PRKCH: variants seen among roughly 807,000 people sequenced by gnomAD.
PRKCH encodes protein kinase C eta, also known as protein kinase C eta type.
PRKCH carries 28 observed loss-of-function variants against 82.5 expected under a neutral mutation model. The observed-to-expected ratio is 0.34, with a 90% confidence interval of 0.25 to 0.47. PRKCH has a LOEUF of 0.47. PRKCH is among the 20% of genes least tolerant of loss of function. PRKCH has a pLI of 1.00. For synonymous variants in PRKCH, 322 were observed against 327.4 expected (o/e 0.98, Z 0.18); for missense variants, 705 against 881.8 (o/e 0.80, Z 2.54).
At chr14:61,317,969 G>A (rs2045577406), upstream of PRKCH, among the ~76,000 whole-genome samples, 1 of 152,064 alleles carries the variant, frequency 6.6e-6, no homozygotes, top group Non-Finnish European at 1.5e-5. Flanking sequence ...TCAGATTTCT[G>A]CTTAAATGTA....
chr14:61,386,390 G>A (rs1462017530), intron 1 of PRKCH, among the ~76,000 whole-genome samples: 1 of 152,196 alleles, frequency 6.6e-6, no homozygotes, highest in Non-Finnish European at 1.5e-5. Flanking sequence ...ACAGTAGTCT[G>A]GAAATAGAAG....
At chr14:61,217,000 A>G (rs1361090168) in intron 1 of PRKCH, among the ~76,000 whole-genome samples, 3 of 152,202 alleles carry the variant, frequency 2.0e-5, no homozygotes, top group African/African-American at 7.2e-5. Context: ...GGAGGTAGCT[A>G]GATCGGCATA....
At chr14:61,511,684 C>T (rs1285604627) in intron 10 of PRKCH, among the ~76,000 whole-genome samples, 1 of 152,240 alleles carries the variant, frequency 6.6e-6, no homozygotes, top group Non-Finnish European at 1.5e-5. Flanking sequence ...TTGTGCCCTG[C>T]CTTGGCACAT....
intron 1 of PRKCH, among the ~76,000 whole-genome samples, chr14:61,271,941 T>C (rs1275453240): frequency 2.0e-5 from 3 of 152,156 alleles, no homozygotes; most frequent in Non-Finnish European, 4.4e-5. Context: ...AAAGATGACA[T>C]GGGGCCGGGC....
At chr14:61,443,712 G>GCCTTC (rs1181524841) in intron 3 of PRKCH, among the ~76,000 whole-genome samples, 9 of 152,310 alleles carry the variant, frequency 5.9e-5, no homozygotes, top group Non-Finnish European at 1.2e-4. Flanking sequence ...GTATGTAACA[G>GCCTTC]AAGATAATAG....
chr14:61,548,820 G>A (rs551649523), intron 13 of PRKCH, among the ~76,000 whole-genome samples: 34 of 144,522 alleles, frequency 2.4e-4, no homozygotes, highest in Middle Eastern at 7.6e-3. Context: ...CCGAGATTGC[G>A]TCATGCGCTC....
intron 10 of PRKCH, among the ~76,000 whole-genome samples, chr14:61,512,817 A>T (rs1181082704): frequency 6.6e-6 from 1 of 151,992 alleles, no homozygotes; most frequent in Non-Finnish European, 1.5e-5. Context: ...GGGGTTTTTT[A>T]AATAAGTTTG....
At chr14:61,379,827 T>C (rs562707266) in intron 1 of PRKCH, among the ~76,000 whole-genome samples, 3 of 152,272 alleles carry the variant, frequency 2.0e-5, no homozygotes, top group Admixed American at 1.3e-4. Context: ...AAGGAGAACG[T>C]ATGCTCCCTT....
chr14:61,420,492 G>A (rs1882780134), intron 2 of PRKCH, among the ~76,000 whole-genome samples: 1 of 152,138 alleles, frequency 6.6e-6, no homozygotes, highest in African/African-American at 2.4e-5. Flanking sequence ...GCTGCCAGAG[G>A]GTCTCAGCTT....
At chr14:61,416,105 T>C (rs2140239470) in intron 2 of PRKCH, among the ~76,000 whole-genome samples, 1 of 142,218 alleles carries the variant, frequency 7.0e-6, no homozygotes, top group Non-Finnish European at 1.5e-5. Context: ...CCCTGGTTGG[T>C]GCAGTGGCAT....
At chr14:61,273,941 T>C (rs1007251789) in intron 1 of PRKCH, among the ~76,000 whole-genome samples, 8 of 152,220 alleles carry the variant, frequency 5.3e-5, no homozygotes, top group African/African-American at 1.9e-4. Flanking sequence ...TTATGGTACT[T>C]GGCACTGGCA....
chr14:61,420,168 T>C (rs963689473), intron 2 of PRKCH, among the ~76,000 whole-genome samples: 1 of 152,184 alleles, frequency 6.6e-6, no homozygotes, highest in Non-Finnish European at 1.5e-5. Flanking sequence ...AAATGGGTCA[T>C]GTGTGCCTCT....
chr14:61,280,965 C>T lies in PRKCH; in HGVS notation c.-19+93297C>T, dbSNP rs1340428594. 1 of 1,543,438 alleles carries T rather than the reference C, an allele frequency of 6.5e-7. No individual in the cohort carries two copies. Among genetic ancestry groups the T allele is most frequent in the Non-Finnish European group, 8.7e-7 (1 of 1,147,548 alleles). ...CGCCTGTATAGTCGTACTCCAGCTC[C>T]TTGATGCCGTTGGAGGAGTAGTAGA... On this transcript the variant is annotated intron_variant, in intron 1 of 3. Coordinates refer to the PRKCH transcript ENST00000555185. This position sits in a 1 kb window ranked among gnomAD's most constrained non-coding sequence, Gnocchi z 5.0.
intron 1 of PRKCH, among the ~76,000 whole-genome samples, chr14:61,364,805 G>A (rs763740288): frequency 5.3e-5 from 8 of 151,940 alleles, no homozygotes; most frequent in Non-Finnish European, 1.2e-4. Context: ...GCACCATTGC[G>A]CTCCAGCTCG....
At chr14:61,435,333 G>A (rs184706439) in intron 2 of PRKCH, among the ~76,000 whole-genome samples, 14 of 152,212 alleles carry the variant, frequency 9.2e-5, no homozygotes, top group Admixed American at 7.9e-4. Flanking sequence ...TGGAGACAGA[G>A]TAGAACAAGG....
At chr14:61,440,115 G>T (rs549543003) in intron 2 of PRKCH, among the ~76,000 whole-genome samples, 35 of 152,294 alleles carry the variant, frequency 2.3e-4, no homozygotes, top group African/African-American at 7.7e-4. Flanking sequence ...TCTCAGGCTG[G>T]TGATAACAGA....
At chr14:61,351,751 CT>C (rs1435132937) in intron 1 of PRKCH, among the ~76,000 whole-genome samples, 3 of 152,148 alleles carry the variant, frequency 2.0e-5, no homozygotes, top group Non-Finnish European at 2.9e-5. Flanking sequence ...GTGACATGCA[CT>C]TGGCATGCTG....
Position 61,432,321 on chromosome 14 carries a change from T to G in PRKCH, c.428-10790T>G, listed in dbSNP as rs562752916. ...TCTTTGTTTCTATTTACTTACATGT[T>G]TATAATTTTTTAACATACCACTTTC... is the stretch of plus-strand genomic sequence containing the variant. On this transcript the variant is annotated intron_variant, in intron 2 of 13. Coordinates refer to ENST00000332981, the MANE Select transcript of PRKCH (RefSeq NM_006255.5). Among the ~76,000 whole-genome samples, 8 of 152,344 alleles carry G rather than the reference T, an allele frequency of 5.3e-5. No individual in the cohort carries two copies. The South Asian group carries it at 1.7e-3, about 32-fold the overall frequency.
intron 1 of PRKCH, among the ~76,000 whole-genome samples, chr14:61,358,809 C>G (rs8020124): frequency 1.9e-4 from 29 of 152,130 alleles, no homozygotes; most frequent in Non-Finnish European, 4.3e-4. Flanking sequence ...GTTCCCTGTG[C>G]AGGCCCTGCT....
Sources: allele counts gnomAD v4.1 joint callset (sites outside exome capture counted in the v4.1 genomes callset), GRCh38; gene constraint gnomAD v4.1.1; non-coding constraint Gnocchi (gnomAD v3.1); transcripts MANE v1.5; gene names NCBI Gene and HGNC (gene_info 2026-07-23, HGNC 2026-07-21).